The following TPRG1 variants were observed in gnomAD, a reference collection of about 807,000 sequenced individuals.
TPRG1 encodes the protein tumor protein p63 regulated 1.
TPRG1 carries 29 observed loss-of-function variants against 29.3 expected under a neutral mutation model. The ratio of observed to expected loss-of-function variants is 0.99; its 90% CI spans 0.74 to 1.35. TPRG1 has a LOEUF of 1.35. Among genes scored for constraint, TPRG1 ranks in the 40% most tolerant of loss-of-function variants. The pLI, the probability that TPRG1 is intolerant of heterozygous loss-of-function variation, is 0.00. For synonymous variants in TPRG1, 130 were observed against 116.8 expected, an observed-to-expected ratio of 1.11 and a Z score of -0.73; for missense variants, 327 against 335.0, an observed-to-expected ratio of 0.98 and a Z score of 0.19.
intron 1 of TPRG1, among the ~76,000 whole-genome samples, chr3:189,180,415 A>T (rs1730056706): frequency 6.6e-6 from 1 of 152,210 alleles, no homozygotes; most frequent in Non-Finnish European, 1.5e-5. Flanking sequence ...AATCACAAGC[A>T]GGTTAGTTAC....
chr3:189,107,569 T>G (rs1719973520), intron 1 of TPRG1, among the ~76,000 whole-genome samples: 1 of 152,128 alleles, frequency 6.6e-6, no homozygotes, highest in South Asian at 2.1e-4. Flanking sequence ...CCCTTAGCCT[T>G]TTTGTTTTCC....
chr3:189,216,635 T>G (rs1736110138), intron 3 of TPRG1, among the ~76,000 whole-genome samples: 1 of 152,224 alleles, frequency 6.6e-6, no homozygotes, highest in African/African-American at 2.4e-5. Flanking sequence ...TAGCTGTTAG[T>G]GCCCCTCTTC....
At position 189,078,136 on chromosome 3, in the gene TPRG1, TC is replaced by T. The variant is rs1233796670; in HGVS notation, c.-462-48919del. On this transcript the variant is annotated intron_variant, in intron 4 of 10. Transcript: ENST00000433971. Reference sequence around the variant, plus strand: ...TTCTTTCTTTCTTTCTTTCTTTCTTTCCTTTCTTTTTTTTTTTTTAGATGAA... The same window carrying T: ...TTCTTTCTTTCTTTCTTTCTTTCTTTCTTTCTTTTTTTTTTTTTAGATGAA... Among the ~76,000 whole-genome samples, 186 of 118,320 alleles carry T rather than the reference TC, an allele frequency of 1.6e-3. 1 individual carries two copies. Among genetic ancestry groups the T allele is most frequent in the African/African-American group, 6.1e-3 (174 of 28,362 alleles). 77.6% of individuals were successfully genotyped at this position (118,320 alleles called of 152,430 possible).
intron 4 of TPRG1, among the ~76,000 whole-genome samples, chr3:189,246,185 C>A (rs144477228): frequency 3.3e-5 from 5 of 152,054 alleles, no homozygotes; most frequent in African/African-American, 9.7e-5. Flanking sequence ...TTATAAAGGG[C>A]AGTTCCTCTG....
intron 4 of TPRG1, among the ~76,000 whole-genome samples, chr3:189,092,830 A>T (rs887823893): frequency 2.0e-5 from 3 of 152,210 alleles, no homozygotes; most frequent in African/African-American, 7.2e-5. Context: ...TGCCTACTGC[A>T]TGCAAGGCCC....
At chr3:189,124,502 T>A (rs929259463) in intron 1 of TPRG1, among the ~76,000 whole-genome samples, 1 of 151,930 alleles carries the variant, frequency 6.6e-6, no homozygotes, top group Non-Finnish European at 1.5e-5. Flanking sequence ...TTGTTTCACG[T>A]ATACATATTA....
rs549433698 is a variant in TPRG1, at chr3:189,173,339, C to CTTTTTTT, written c.-10+1210_-10+1211insTTTTTTT. ...ATATATTCTTTTTCTTTCTTTTCTTCTTCTTTTTTTTTTTTTTTGAGACAG... is the reference window on the plus strand; with the variant it reads ...ATATATTCTTTTTCTTTCTTTTCTTCTTTTTTTTTCTTTTTTTTTTTTTTTGAGACAG... On this transcript the variant is annotated intron_variant, in intron 1 of 5. Transcript: ENST00000345063. Among the ~76,000 whole-genome samples, 4 of 130,326 alleles carry CTTTTTTT rather than the reference C, an allele frequency of 3.1e-5. 1 individual carries two copies. Among genetic ancestry groups the CTTTTTTT allele is most frequent in the Non-Finnish European group, 4.6e-5 (3 of 64,782 alleles). The allele number at this position is 130,326 out of a possible 152,430, so 85.5% of individuals were successfully genotyped here.
intron 3 of TPRG1, among the ~76,000 whole-genome samples, chr3:189,142,664 T>C (rs1724729184): frequency 6.6e-6 from 1 of 152,232 alleles, no homozygotes; most frequent in Admixed American, 6.5e-5. Flanking sequence ...GCTTGCAACC[T>C]GTTCCTGCAT....
At chr3:189,084,788 T>C (rs565006989) in intron 4 of TPRG1, among the ~76,000 whole-genome samples, 4 of 152,174 alleles carry the variant, frequency 2.6e-5, no homozygotes, top group African/African-American at 4.8e-5. Context: ...TCTGACATCA[T>C]GCGTAAGAGG....
At chr3:189,202,167 A>G (rs765057941) in intron 1 of TPRG1, among the ~76,000 whole-genome samples, 1 of 152,148 alleles carries the variant, frequency 6.6e-6, no homozygotes, top group Non-Finnish European at 1.5e-5. Flanking sequence ...GGGGCCAACT[A>G]TGGTGGATCT....
intron 4 of TPRG1, among the ~76,000 whole-genome samples, chr3:189,094,885 G>A (rs958975039): frequency 3.9e-5 from 6 of 152,110 alleles, no homozygotes; most frequent in Admixed American, 1.3e-4. Flanking sequence ...TGCTCTGGTC[G>A]AGGCAGGGAG....
intron 5 of TPRG1, among the ~76,000 whole-genome samples, chr3:189,311,851 A>G (rs918060649): frequency 1.3e-5 from 2 of 151,756 alleles, no homozygotes; most frequent in Admixed American, 1.3e-4. Flanking sequence ...AAAACAACCA[A>G]TAAGAACAAC....
chr3:189,225,920 C>G (rs1471000480), intron 3 of TPRG1, among the ~76,000 whole-genome samples: 1 of 151,996 alleles, frequency 6.6e-6, no homozygotes, highest in Non-Finnish European at 1.5e-5. Context: ...AGGATATTAT[C>G]TAATGATAAA....
intron 5 of TPRG1, among the ~76,000 whole-genome samples, chr3:189,155,639 G>A (rs898317320): frequency 1.3e-5 from 2 of 152,202 alleles, no homozygotes; most frequent in African/African-American, 4.8e-5. Context: ...AAAGAAAATA[G>A]AATGTTATTG....
chr3:189,029,538 C>T (rs1228989802), intron 4 of TPRG1, among the ~76,000 whole-genome samples: 1 of 152,074 alleles, frequency 6.6e-6, no homozygotes, highest in Non-Finnish European at 1.5e-5. Context: ...ATGATTTTAG[C>T]AACAACAACA....
At chr3:189,285,226 T>G (rs1011967521) in intron 4 of TPRG1, among the ~76,000 whole-genome samples, 6 of 152,204 alleles carry the variant, frequency 3.9e-5, no homozygotes, top group Non-Finnish European at 5.9e-5. Flanking sequence ...TCATTATTCT[T>G]CTACAATACT....
At chr3:189,149,070 T>A (rs902078542) in intron 4 of TPRG1, among the ~76,000 whole-genome samples, 1 of 152,170 alleles carries the variant, frequency 6.6e-6, no homozygotes, top group Admixed American at 6.5e-5. Context: ...ATAAAGTAGG[T>A]TCTAGATCTT....
intron 1 of TPRG1, among the ~76,000 whole-genome samples, chr3:189,102,514 T>C (rs181118761): frequency 6.6e-6 from 1 of 152,318 alleles, no homozygotes; most frequent in East Asian, 1.9e-4. Context: ...TGTCTCTAAG[T>C]TGTGTTCCAT....
chr3:189,234,497 C>G (rs574817123), intron 3 of TPRG1, among the ~76,000 whole-genome samples: 1 of 152,186 alleles, frequency 6.6e-6, no homozygotes, highest in Non-Finnish European at 1.5e-5. Context: ...CTGTATCCTG[C>G]TCTTTCTCAC....
Sources: allele counts gnomAD v4.1 joint callset (sites outside exome capture counted in the v4.1 genomes callset), GRCh38; gene constraint gnomAD v4.1.1; transcripts MANE v1.5; gene names NCBI Gene and HGNC (gene_info 2026-07-23, HGNC 2026-07-21).